ZFHX3: variants seen among roughly 807,000 people sequenced by gnomAD.
ZFHX3 encodes zinc finger homeobox 3.
In ZFHX3, 42 loss-of-function variants were observed where a neutral mutation model predicts 279.1. The observed-to-expected ratio is 0.15, with a 90% CI of 0.12 to 0.19. The LOEUF (loss-of-function observed/expected upper bound fraction) is 0.19. Among genes scored for constraint, ZFHX3 ranks in the 10% least tolerant of loss-of-function variants. The probability of loss-of-function intolerance (pLI) is 1.00; values close to 1 mark genes in which losing one functional copy is unlikely to be tolerated. For missense variants in ZFHX3, 4,981 were observed against 4,754.0 expected (o/e 1.05, Z -1.40); for synonymous variants, 2,293 against 1,957.8 (o/e 1.17, Z -4.52).
chr16:73,467,725 A>C (rs1447042382), intron 2 of ZFHX3, among the ~76,000 whole-genome samples: 1 of 152,234 alleles, frequency 6.6e-6, no homozygotes, highest in Non-Finnish European at 1.5e-5. Context: ...AAAAAAAGTT[A>C]GGAAACAGAT....
chr16:72,901,902 G>A (rs528621531), intron 3 of ZFHX3, among the ~76,000 whole-genome samples: 18 of 152,090 alleles, frequency 1.2e-4, no homozygotes, highest in Non-Finnish European at 2.2e-4. Flanking sequence ...ACTGGGTTCT[G>A]CCCTCCTTCC....
intron 1 of ZFHX3, among the ~76,000 whole-genome samples, chr16:73,739,023 A>G (rs749722144): frequency 6.6e-6 from 1 of 152,174 alleles, no homozygotes; most frequent in Non-Finnish European, 1.5e-5. Context: ...GGCACCAGCA[A>G]TGCCATCTCC....
intron 1 of ZFHX3, among the ~76,000 whole-genome samples, chr16:73,757,868 G>C (rs761551777): frequency 6.6e-6 from 1 of 152,146 alleles, no homozygotes; most frequent in Non-Finnish European, 1.5e-5. Flanking sequence ...TTCTGATTTT[G>C]TGACTCACTG....
rs2035339848 is a variant in ZFHX3, at chr16:72,785,744, A to G, written c.*1420T>C. The stretch of plus-strand genomic sequence containing the variant: ...AGTACACAGCCAATTACACAAATGG[A>G]AACAAATCCTTTAGTATAGAAAAAA... On this transcript the variant is annotated 3_prime_UTR_variant, in exon 10 of 10. Transcript: ENST00000268489. 6.6e-6 allele frequency: 1 copy of G among 151,752 alleles called. No homozygotes were observed. Among genetic ancestry groups the G allele is most frequent in the African/African-American group, 2.4e-5 (1 of 41,436 alleles). 9.4% of individuals were successfully genotyped at this position (151,752 alleles called of 1,614,324 possible).
Position 72,927,064 on chromosome 16 carries a change from T to G in ZFHX3, c.3216+23405A>C, listed in dbSNP as rs368704065. 1.5e-3 allele frequency among the ~76,000 whole-genome samples: 227 copies of G among 152,350 alleles called. 10 individuals carry two copies. The South Asian group carries it at 0.046, about 31-fold the overall frequency. The stretch of plus-strand genomic sequence containing the variant: ...TCTCACTTGAAATTACCTCTAAAAA[T>G]CTATTTCCATATTTCTTCCCTGGAA... On this transcript the variant is annotated intron_variant, in intron 3 of 9. Transcript: ENST00000268489.
intron 4 of ZFHX3, among the ~76,000 whole-genome samples, chr16:73,285,949 T>C (rs915599919): frequency 2.0e-5 from 3 of 152,262 alleles, no homozygotes; most frequent in Non-Finnish European, 4.4e-5. Flanking sequence ...GCATATATTA[T>C]ATTTTAAAAC....
At chr16:73,109,575 T>C (rs1966346261) in intron 7 of ZFHX3, among the ~76,000 whole-genome samples, 1 of 103,138 alleles carries the variant, frequency 9.7e-6, no homozygotes, top group Non-Finnish European at 2.5e-5. Context: ...TGTTTAAAAA[T>C]TTTCCGGTGC....
chr16:73,323,186 G>T (rs964311600), intron 3 of ZFHX3, among the ~76,000 whole-genome samples: 1 of 152,180 alleles, frequency 6.6e-6, no homozygotes, highest in Non-Finnish European at 1.5e-5. Context: ...TTTCAGGAGG[G>T]CCTGGTGGGA....
intron 2 of ZFHX3, among the ~76,000 whole-genome samples, chr16:73,653,955 C>A (rs986198717): frequency 5.3e-5 from 8 of 151,982 alleles, no homozygotes; most frequent in Non-Finnish European, 1.5e-5. Flanking sequence ...GAGGCCGAGG[C>A]GGGTGGATCA....
intron 3 of ZFHX3, among the ~76,000 whole-genome samples, chr16:73,362,621 C>T (rs73590914): frequency 0.086 from 13,026 of 152,190 alleles, 1,848 homozygotes; most frequent in African/African-American, 0.3. Flanking sequence ...ATTTCAATAC[C>T]TAGAATGTGA....
intron 2 of ZFHX3, among the ~76,000 whole-genome samples, chr16:73,493,724 G>A (rs2019090963): frequency 6.6e-6 from 1 of 152,082 alleles, no homozygotes; most frequent in Non-Finnish European, 1.5e-5. Context: ...TAGCTGTTGA[G>A]AAGACAGTGA....
intron 2 of ZFHX3, among the ~76,000 whole-genome samples, chr16:73,566,049 C>G (rs969082334): frequency 1.3e-5 from 2 of 152,232 alleles, no homozygotes; most frequent in African/African-American, 4.8e-5. Context: ...CCTGCTCATG[C>G]AGAGCTGTGG....
At chr16:73,813,115 G>A (rs1329108993) in intron 1 of ZFHX3, among the ~76,000 whole-genome samples, 3 of 152,092 alleles carry the variant, frequency 2.0e-5, no homozygotes, top group African/African-American at 7.2e-5. Flanking sequence ...CAAATATTCA[G>A]CTACCACACT....
chr16:73,203,302 A>G (rs574808479), intron 5 of ZFHX3, among the ~76,000 whole-genome samples: 112 of 152,176 alleles, frequency 7.4e-4, no homozygotes, highest in Non-Finnish European at 1.5e-3. Flanking sequence ...GGATGACTTA[A>G]TCCTTCAAGG....
At chr16:73,070,938 GCACACACACACACA>G (rs768410525) in intron 8 of ZFHX3, among the ~76,000 whole-genome samples, 47 of 22,618 alleles carry the variant, frequency 2.1e-3, no homozygotes, top group Non-Finnish European at 5.9e-3. Context: ...GCGCGCGCGC[GCACACACACACACA>G]CACACACACA....
intron 2 of ZFHX3, among the ~76,000 whole-genome samples, chr16:73,474,539 G>A (rs1161616364): frequency 9.9e-5 from 15 of 152,184 alleles, no homozygotes; most frequent in African/African-American, 2.4e-5. Flanking sequence ...CATTCCCAGA[G>A]GAGGAGGAGG....
chr16:72,789,952 G>A (rs931485072), intron 9 of ZFHX3: 1 of 152,282 alleles, frequency 6.6e-6, no homozygotes, highest in Non-Finnish European at 1.5e-5. Flanking sequence ...CAACCTACCC[G>A]AAGCACCACT....
At chr16:73,644,300 A>G (rs970127626) in intron 2 of ZFHX3, among the ~76,000 whole-genome samples, 7 of 151,814 alleles carry the variant, frequency 4.6e-5, no homozygotes, top group Non-Finnish European at 8.8e-5. Context: ...TCTCCCAGCT[A>G]CTGTAAACTT....
At chr16:73,522,309 T>C (rs2143708575) in intron 2 of ZFHX3, among the ~76,000 whole-genome samples, 1 of 152,330 alleles carries the variant, frequency 6.6e-6, no homozygotes, top group South Asian at 2.1e-4. Context: ...GAAGCATTAT[T>C]GTGAAGATGA....
Sources: gnomAD v4.1 joint callset for allele counts (sites outside exome capture counted in the v4.1 genomes callset) on GRCh38, gnomAD v4.1.1 for gene constraint, MANE v1.5 for transcripts, NCBI Gene and HGNC (gene_info 2026-07-23, HGNC 2026-07-21) for gene names.